MAP3K7: variants seen among roughly 807,000 people sequenced by gnomAD.
MAP3K7 encodes mitogen-activated protein kinase kinase kinase 7, also known as TGF-beta activated kinase 1.
In MAP3K7, 21 loss-of-function variants were observed where a neutral mutation model predicts 84.8. The ratio of observed to expected loss-of-function variants is 0.25; its 90% CI spans 0.18 to 0.36. MAP3K7 has a LOEUF of 0.36. Among genes scored for constraint, MAP3K7 ranks in the 10% least tolerant of loss-of-function variants. MAP3K7 has a pLI of 1.00. For synonymous variants in MAP3K7, 241 were observed against 247.7 expected (o/e 0.97, Z 0.25); for missense variants, 503 against 747.7 (o/e 0.67, Z 3.82).
chr6:90,564,877 A>C (rs1205183136), intron 3 of MAP3K7, among the ~76,000 whole-genome samples: 1 of 152,230 alleles, frequency 6.6e-6, no homozygotes, highest in Non-Finnish European at 1.5e-5. Context: ...TGTCTCTCTG[A>C]CCACAGTGGA....
At chr6:90,566,748 T>G (rs530908707) in intron 3 of MAP3K7, among the ~76,000 whole-genome samples, 110 of 152,302 alleles carry the variant, frequency 7.2e-4, no homozygotes, top group African/African-American at 1.3e-3. Context: ...AGAGCCCACA[T>G]TGCCAAGACA....
At chr6:90,534,719 C>T (rs952113516) in intron 13 of MAP3K7, among the ~76,000 whole-genome samples, 1 of 152,168 alleles carries the variant, frequency 6.6e-6, no homozygotes, top group Non-Finnish European at 1.5e-5. Context: ...TATGGCAACA[C>T]TTTTATTCTA....
At chr6:90,529,918 A>G (rs1274105754) in intron 13 of MAP3K7, among the ~76,000 whole-genome samples, 1 of 152,262 alleles carries the variant, frequency 6.6e-6, no homozygotes, top group Admixed American at 6.5e-5. Flanking sequence ...ACAAGCTATT[A>G]GCACTCAGAT....
At chr6:90,574,446 TAGCA>T (rs1777006949) in intron 1 of MAP3K7, among the ~76,000 whole-genome samples, 1 of 152,102 alleles carries the variant, frequency 6.6e-6, no homozygotes, top group Non-Finnish European at 1.5e-5. Flanking sequence ...CTAAGATGAA[TAGCA>T]AGCAGGTCCT....
At chr6:90,567,253 A>G (rs903844615) in intron 3 of MAP3K7, among the ~76,000 whole-genome samples, 2 of 152,238 alleles carry the variant, frequency 1.3e-5, no homozygotes, top group African/African-American at 4.8e-5. Context: ...CAGCAAAAGA[A>G]ACTATCATCA....
chr6:90,556,042 G>T (rs931349807), intron 6 of MAP3K7, among the ~76,000 whole-genome samples: 1 of 152,174 alleles, frequency 6.6e-6, no homozygotes, highest in African/African-American at 2.4e-5. Context: ...GCACAAAAAA[G>T]GACACCTGCT....
intron 2 of MAP3K7, among the ~76,000 whole-genome samples, chr6:90,571,182 AT>A (rs1776887469): frequency 6.6e-6 from 1 of 152,158 alleles, no homozygotes; most frequent in Admixed American, 6.5e-5. Context: ...TAAAGGATAA[AT>A]TTGATAATAT....
intron 10 of MAP3K7, 69 bp downstream of exon 10, chr6:90,547,978 A>C: frequency 8.2e-7 from 1 of 1,224,302 alleles, no homozygotes; most frequent in South Asian, 1.9e-5. Flanking sequence ...GTAAATAATT[A>C]ATTTCAGTTA....
chr6:90,523,236 T>C (rs1466138736), intron 14 of MAP3K7, among the ~76,000 whole-genome samples: 11 of 152,168 alleles, frequency 7.2e-5, no homozygotes, highest in Admixed American at 6.5e-4. Flanking sequence ...GGTCAGAATT[T>C]TTTTCAACTT....
intron 13 of MAP3K7, among the ~76,000 whole-genome samples, chr6:90,528,605 TTAAAAA>T (rs1239756309): frequency 6.6e-6 from 1 of 152,190 alleles, no homozygotes; most frequent in Non-Finnish European, 1.5e-5. Flanking sequence ...TTCTGTTTTT[TTAAAAA>T]TAATTTTTAA....
intron 12 of MAP3K7, chr6:90,542,566 T>C (rs924477154): frequency 1.2e-6 from 1 of 848,254 alleles, no homozygotes; most frequent in South Asian, 5.4e-5. Context: ...CTAGCTTCTC[T>C]GACTTAAACA....
At chr6:90,584,386 G>A (rs999414203) in intron 1 of MAP3K7, among the ~76,000 whole-genome samples, 4 of 151,974 alleles carry the variant, frequency 2.6e-5, no homozygotes, top group Admixed American at 6.6e-5. Context: ...AATGAACTAA[G>A]TATTAAACAT....
Position 90,571,766 on chromosome 6 carries a change from C to T in MAP3K7, c.162G>A (p.Lys54=), listed in dbSNP as rs764170251. 1.2e-6 allele frequency: 2 copies of T among 1,606,264 alleles called. No individual in the cohort carries two copies. Among genetic ancestry groups the T allele is most frequent in the East Asian group, 2.3e-5 (1 of 44,414 alleles). The stretch of plus-strand genomic sequence containing the variant: ...TAATAGCAACATCTTTTGCTCTCCA[C>T]TTAGCTTTGCAAACAACTCCAAAGG... The part of the protein sequence containing the change: ...RGAFGVVCKA[K]WRAKDVAIKQ... Residue 54 remains lysine, a synonymous_variant, in exon 2 of 17, where the codon AAG becomes AAA. Transcript: ENST00000369329.
At chr6:90,542,580 G>T in intron 12 of MAP3K7, 1 of 755,196 alleles carries the variant, frequency 1.3e-6, no homozygotes, top group Non-Finnish European at 1.6e-6. Flanking sequence ...TTAAACAAAA[G>T]AACAAAAAAT....
intron 13 of MAP3K7, among the ~76,000 whole-genome samples, chr6:90,534,581 T>C (rs1035938393): frequency 6.6e-6 from 1 of 152,176 alleles, no homozygotes; most frequent in African/African-American, 2.4e-5. Context: ...CACCCATAGT[T>C]GGCCTCAGTT....
chr6:90,554,277 CAGA>C (rs1345172840), intron 6 of MAP3K7, among the ~76,000 whole-genome samples: 1 of 152,154 alleles, frequency 6.6e-6, no homozygotes, highest in Non-Finnish European at 1.5e-5. Flanking sequence ...GCTATCAAAG[CAGA>C]AGAACTTTCT....
intron 14 of MAP3K7, among the ~76,000 whole-genome samples, chr6:90,522,127 AAT>A (rs1354583030): frequency 6.6e-6 from 1 of 152,138 alleles, no homozygotes; most frequent in Admixed American, 6.6e-5. Context: ...ACACATGTGC[AAT>A]ATATTTCAAG....
intron 13 of MAP3K7, among the ~76,000 whole-genome samples, chr6:90,530,810 C>G: frequency 6.6e-6 from 1 of 152,102 alleles, no homozygotes; most frequent in East Asian, 1.9e-4. Context: ...AAAACTCAAA[C>G]TAGTTTGTGG....
At chr6:90,556,775 A>T in intron 5 of MAP3K7, 151 bp from the exon 6 acceptor site, 1 of 747,924 alleles carries the variant, frequency 1.3e-6, no homozygotes, top group Non-Finnish European at 2.1e-6. Flanking sequence ...CTTGGTCACT[A>T]TAAAAGCCTA....
Sources: allele counts gnomAD v4.1 joint callset (sites outside exome capture counted in the v4.1 genomes callset), GRCh38; gene constraint gnomAD v4.1.1; transcripts MANE v1.5; gene names NCBI Gene and HGNC (gene_info 2026-07-23, HGNC 2026-07-21).